KCNG3: variants seen among roughly 807,000 people sequenced by gnomAD.
KCNG3 encodes the protein potassium voltage-gated channel modifier subfamily G member 3, also known as voltage-gated potassium channel regulatory subunit KCNG3.
KCNG3 carries 15 observed loss-of-function variants against 29.0 expected under a neutral mutation model. The observed-to-expected ratio is 0.52, with a 90% confidence interval of 0.35 to 0.80. The LOEUF (loss-of-function observed/expected upper bound fraction) is 0.80. Ranked by LOEUF, KCNG3 falls within the 30% of genes least tolerant of loss-of-function variation. KCNG3 has a pLI of 0.01. For synonymous variants in KCNG3, 322 were observed against 248.9 expected (o/e 1.29, Z -2.76); for missense variants, 512 against 605.7 (o/e 0.85, Z 1.62).
At chr2:42,471,668 T>A (rs1673291712) in intron 1 of KCNG3, among the ~76,000 whole-genome samples, 1 of 152,096 alleles carries the variant, frequency 6.6e-6, no homozygotes, top group African/African-American at 2.4e-5. Flanking sequence ...AAAAAAGGAA[T>A]GAGCAATACA....
chr2:42,409,240 C>T, the KCNG3 span, among the ~76,000 whole-genome samples: 2 of 152,122 alleles, frequency 1.3e-5, no homozygotes, highest in African/African-American at 4.8e-5. Context: ...AAAGGTACCA[C>T]TGGCCACAGA....
In KCNG3 at chr2:42,453,187, T is replaced by C. The variant is rs1672804333; in HGVS notation, c.666-8608A>G. Among the ~76,000 whole-genome samples the C allele has an allele frequency of 2.6e-5, 4 of 152,234 alleles. No homozygotes were observed. In the South Asian group the frequency reaches 8.3e-4, roughly 31 times the overall value. On this transcript the variant is annotated intron_variant, in intron 1 of 1. Coordinates refer to ENST00000306078, the MANE Select transcript of KCNG3 (RefSeq NM_133329.6). ...TGCACGTATCTTTCTGATATGCTGA[T>C]TTCCTTTCTGTTGGGTATACACCCA...
intron 1 of KCNG3, among the ~76,000 whole-genome samples, chr2:42,454,005 A>T (rs1486411981): frequency 6.6e-6 from 1 of 152,096 alleles, no homozygotes; most frequent in African/African-American, 2.4e-5. Context: ...CAAAGTTAAT[A>T]AGGCCAATGA....
chr2:42,477,885 T>C (rs1262636040), intron 1 of KCNG3, among the ~76,000 whole-genome samples: 1 of 39,100 alleles, frequency 2.6e-5, no homozygotes, highest in Admixed American at 3.0e-4. Flanking sequence ...TCTCAAAAAA[T>C]ATATATATAT....
In KCNG3 at chr2:42,481,555, C is replaced by CA; in HGVS notation, c.665+11281dup. ...AATTCTCTATTCTCCTCAAAACCCA[C>CA]ATTCAGATATAAATCCAAAATCCTT... On this transcript the variant is annotated intron_variant, in intron 1 of 1. Transcript: ENST00000306078. Among the ~76,000 whole-genome samples, 2 of 152,292 alleles carry CA rather than the reference C, an allele frequency of 1.3e-5. 1 individual carries two copies. The highest frequency in any genetic ancestry group is 1.3e-4 in the Admixed American group (2 of 15,298).
intron 1 of KCNG3, chr2:42,469,682 T>C (rs1281043987): frequency 6.6e-6 from 1 of 152,294 alleles, no homozygotes; most frequent in Non-Finnish European, 1.5e-5. Flanking sequence ...TATAAAAGAA[T>C]CTTTATGATC....
At chr2:42,398,926 G>A in the KCNG3 span, among the ~76,000 whole-genome samples, 2 of 152,170 alleles carry the variant, frequency 1.3e-5, no homozygotes, top group African/African-American at 4.8e-5. Context: ...GGCAGGAATC[G>A]CCTCACCCTC....
At chr2:42,400,583 A>C in the KCNG3 span, among the ~76,000 whole-genome samples, 417 of 152,280 alleles carry the variant, frequency 2.7e-3, 3 homozygotes, top group South Asian at 1.0e-2. Context: ...TTGGAGGAGG[A>C]AAGAAATTTA....
At chr2:42,456,709 C>T (rs79854814) in intron 1 of KCNG3, among the ~76,000 whole-genome samples, 2,027 of 152,216 alleles carry the variant, frequency 0.013, 39 homozygotes, top group African/African-American at 0.046. Context: ...CTTAACAACC[C>T]CAGGAGTGCC....
chr2:42,455,606 A>G (rs1672857886), intron 1 of KCNG3, among the ~76,000 whole-genome samples: 1 of 152,098 alleles, frequency 6.6e-6, no homozygotes, highest in South Asian at 2.1e-4. Context: ...CATCTTTACT[A>G]AAAATTTTCA....
chr2:42,489,359 G>A (rs1020886691), intron 1 of KCNG3, among the ~76,000 whole-genome samples: 6 of 152,004 alleles, frequency 3.9e-5, no homozygotes, highest in Non-Finnish European at 7.4e-5. Context: ...ACTGCACTCC[G>A]GCCTGGGTGA....
chr2:42,438,436 A>G (rs1052395420), downstream of KCNG3, among the ~76,000 whole-genome samples: 1 of 152,184 alleles, frequency 6.6e-6, no homozygotes, highest in African/African-American at 2.4e-5. Flanking sequence ...TTCAGATATA[A>G]ATAACATAGA....
At chr2:42,425,760 C>A in the KCNG3 span, among the ~76,000 whole-genome samples, 73 of 152,100 alleles carry the variant, frequency 4.8e-4, no homozygotes, top group Non-Finnish European at 9.3e-4. Flanking sequence ...AATATGAAAG[C>A]GGGTCAAAGA....
At chr2:42,410,705 A>T in the KCNG3 span, among the ~76,000 whole-genome samples, 3 of 151,968 alleles carry the variant, frequency 2.0e-5, no homozygotes, top group Non-Finnish European at 2.9e-5. Flanking sequence ...TTTAAAAAAC[A>T]TTTTTTTAAG....
At chr2:42,470,117 G>T (rs1467645361) in intron 1 of KCNG3, 2 of 462,208 alleles carry the variant, frequency 4.3e-6, no homozygotes, top group Non-Finnish European at 8.0e-6. Context: ...AAAGCATCTT[G>T]AGAGGAATAG....
chr2:42,492,696 T>A, intron 1 of KCNG3, 141 bp downstream of exon 1: 1 of 645,904 alleles, frequency 1.5e-6, no homozygotes, highest in Admixed American at 6.0e-5. Flanking sequence ...GGTCCCGTAG[T>A]TGGCCGCGCC....
the KCNG3 span, among the ~76,000 whole-genome samples, chr2:42,404,325 A>C: frequency 1.3e-5 from 2 of 152,334 alleles, no homozygotes; most frequent in Non-Finnish European, 2.9e-5. Context: ...GTTTCAATGA[A>C]GGGAACTGGG....
the KCNG3 span, among the ~76,000 whole-genome samples, chr2:42,397,090 C>T: frequency 2.6e-5 from 4 of 152,080 alleles, no homozygotes; most frequent in South Asian, 6.2e-4. Flanking sequence ...ACTAAAAATA[C>T]AAAACTTAGC....
intron 1 of KCNG3, among the ~76,000 whole-genome samples, chr2:42,467,460 G>C (rs550064481): frequency 6.6e-6 from 1 of 152,116 alleles, no homozygotes; most frequent in Admixed American, 6.5e-5. Flanking sequence ...CTGAGGTCAG[G>C]AGTGCAAGAC....
Sources: allele counts gnomAD v4.1 joint callset (sites outside exome capture counted in the v4.1 genomes callset), GRCh38; gene constraint gnomAD v4.1.1; transcripts MANE v1.5; gene names NCBI Gene and HGNC (gene_info 2026-07-23, HGNC 2026-07-21).